The following KHDC1 variants were observed in gnomAD, a reference collection of about 807,000 sequenced individuals.
KHDC1 encodes KH domain containing 1.
KHDC1 carries 21 observed loss-of-function variants against 24.7 expected under a neutral mutation model. The observed-to-expected ratio is 0.85, with a 90% CI of 0.60 to 1.23. KHDC1 has a LOEUF of 1.23. KHDC1 is among the 50% of genes most tolerant of loss of function. KHDC1 has a pLI of 0.00. For missense variants in KHDC1, 274 were observed against 298.5 expected (o/e 0.92, Z 0.61); for synonymous variants, 98 against 111.7 (o/e 0.88, Z 0.77).
intron 1 of KHDC1, among the ~76,000 whole-genome samples, chr6:73,293,515 G>A (rs1034866100): frequency 5.9e-5 from 9 of 152,204 alleles, no homozygotes; most frequent in African/African-American, 2.2e-4. Context: ...TGCAGTAGCT[G>A]ACGCCCATGA....
intron 2 of KHDC1, among the ~76,000 whole-genome samples, chr6:73,251,158 T>C (rs1450242515): frequency 6.6e-6 from 1 of 152,148 alleles, no homozygotes; most frequent in Non-Finnish European, 1.5e-5. Context: ...AAAATGTATA[T>C]GCAATAGTTC....
intron 1 of KHDC1, chr6:73,292,280 A>G: frequency 8.0e-7 from 1 of 1,244,266 alleles, no homozygotes; most frequent in Non-Finnish European, 1.2e-6. Flanking sequence ...AATGCGGTCA[A>G]CCAGGGATGG....
At chr6:73,268,628 T>C (rs1400342370) in intron 2 of KHDC1, 1 of 152,316 alleles carries the variant, frequency 6.6e-6, no homozygotes, top group Non-Finnish European at 1.5e-5. Flanking sequence ...ATTAACCAGA[T>C]ACAGAGTGTG....
Position 73,254,931 on chromosome 6 carries a change from G to A in KHDC1, c.207-12401C>T, listed in dbSNP as rs1161362902. ...GCAGGAGAATGGCGTGGCCCCGGGAGGCAGAGTTTGCAGTGAGTGGAGATC... is the reference window on the plus strand; with the variant it reads ...GCAGGAGAATGGCGTGGCCCCGGGAAGCAGAGTTTGCAGTGAGTGGAGATC... On this transcript the variant is annotated intron_variant, in intron 2 of 4. Coordinates refer to ENST00000370384, the Ensembl canonical transcript of KHDC1. Among the ~76,000 whole-genome samples the A allele has an allele frequency of 3.3e-5, 5 of 151,946 alleles. No individual in the cohort carries two copies. The East Asian group carries it at 9.7e-4, about 29-fold the overall frequency.
intron 2 of KHDC1, among the ~76,000 whole-genome samples, chr6:73,245,734 A>G (rs1436288562): frequency 6.6e-6 from 1 of 152,190 alleles, no homozygotes; most frequent in South Asian, 2.1e-4. Flanking sequence ...TTTTAATAAC[A>G]GTCACGGGAA....
rs79256439 is a variant in KHDC1 at position 73,242,389 on chromosome 6, G to T, written c.331+17C>A. On this transcript the variant is annotated intron_variant, in intron 3 of 4. Coordinates refer to ENST00000370384, the Ensembl canonical transcript of KHDC1. ...AAGACAAGGATGAAGAAGGGGACGT[G>T]GGCAAAGGCCACTCACCGAAGATGA... 0.22 allele frequency: 352,322 copies of T among 1,611,400 alleles called. 46,436 individuals are homozygous for T. Among genetic ancestry groups the T allele is most frequent in the African/African-American group, 0.63 (47,280 of 74,704 alleles).
intron 2 of KHDC1, among the ~76,000 whole-genome samples, chr6:73,277,337 C>T (rs1030996030): frequency 9.3e-5 from 14 of 149,996 alleles, no homozygotes; most frequent in African/African-American, 1.5e-4. Context: ...TGTTGGCATG[C>T]GCCTATAATC....
intron 2 of KHDC1, among the ~76,000 whole-genome samples, chr6:73,250,427 CA>C (rs1410627407): frequency 6.6e-6 from 1 of 152,218 alleles, no homozygotes; most frequent in African/African-American, 2.4e-5. Flanking sequence ...TACCTTCTCA[CA>C]GTGTTTATAG....
At chr6:73,248,332 C>A (rs1358448114) in intron 2 of KHDC1, among the ~76,000 whole-genome samples, 2 of 151,994 alleles carry the variant, frequency 1.3e-5, no homozygotes, top group Non-Finnish European at 2.9e-5. Context: ...CCTCTGTCTT[C>A]TACTTTAATC....
Position 73,242,251 on chromosome 6 carries a change from A to G in KHDC1, c.332-14T>C. The stretch of plus-strand genomic sequence containing the variant: ...TGTCACCATGCCCTGTGAGCATAAG[A>G]GGTGAGAGGAGGTTCTGTCAAGCAC... On this transcript the variant is annotated splice_polypyrimidine_tract_variant and intron_variant, in intron 3 of 4. Transcript: ENST00000370384. The G allele has an allele frequency of 6.2e-7, 1 of 1,610,084 alleles. No homozygotes were observed.
chr6:73,248,358 C>T (rs1185422317), intron 2 of KHDC1, among the ~76,000 whole-genome samples: 1 of 151,430 alleles, frequency 6.6e-6, no homozygotes, highest in Admixed American at 6.6e-5. Context: ...TTCCACTTCT[C>T]TCTCTGTCTC....
intron 1 of KHDC1, among the ~76,000 whole-genome samples, chr6:73,296,376 C>G (rs1430715491): frequency 1.3e-5 from 2 of 151,578 alleles, no homozygotes; most frequent in Non-Finnish European, 2.9e-5. Context: ...TCACTTGAAC[C>G]CAGGAGGCAG....
rs746548203 is a variant in KHDC1, at chr6:73,242,477, C to T, written c.260G>A (p.Trp87Ter). The T allele has an allele frequency of 6.8e-6, 11 of 1,614,048 alleles. No individual in the cohort carries two copies. The highest frequency in any genetic ancestry group is 9.3e-6 in the Non-Finnish European group (11 of 1,180,024). ...TGCATGAAAGTTTTGAGGCAGGGTC[C>T]ACCACGGCTTCTTGCTGAGAGCACT... Residue 87 changes from tryptophan to a stop codon, truncating the protein, a stop_gained, in exon 3 of 5, where the codon TGG (tryptophan) becomes TAG (stop). Coordinates refer to ENST00000370384, the Ensembl canonical transcript of KHDC1. LOFTEE classifies it high-confidence loss of function.
At chr6:73,268,314 T>G (rs538916239) in intron 2 of KHDC1, 1 of 154,008 alleles carries the variant, frequency 6.5e-6, no homozygotes, top group South Asian at 2.1e-4. Context: ...GTGGTCTCGC[T>G]GGCTTCAGGA....
intron 2 of KHDC1, among the ~76,000 whole-genome samples, chr6:73,249,230 A>G (rs986538044): frequency 6.6e-6 from 1 of 152,106 alleles, no homozygotes; most frequent in African/African-American, 2.4e-5. Context: ...AAGGTGTGCT[A>G]TGATCATGCC....
intron 2 of KHDC1, chr6:73,263,055 GGCGGCGGCGGCGGCA>G (rs574127460): frequency 0.76 from 781,163 of 1,030,420 alleles, 301,462 homozygotes; most frequent in Non-Finnish European, 0.79. Context: ...CGGCGGCGGC[GGCGGCGGCGGCGGCA>G]GCGGCGGCAG....
chr6:73,272,742 C>G (rs1393726923), intron 2 of KHDC1, among the ~76,000 whole-genome samples: 1 of 151,140 alleles, frequency 6.6e-6, no homozygotes, highest in Non-Finnish European at 1.5e-5. Flanking sequence ...CACCACTGCA[C>G]TCCAGCCTGG....
At chr6:73,252,785 G>C (rs1219634831) in intron 2 of KHDC1, among the ~76,000 whole-genome samples, 14 of 151,404 alleles carry the variant, frequency 9.2e-5, no homozygotes, top group African/African-American at 3.4e-4. Flanking sequence ...CCACTGAACT[G>C]CTGCCTGGGC....
intron 2 of KHDC1, among the ~76,000 whole-genome samples, chr6:73,248,145 C>T (rs187608617): frequency 2.4e-4 from 36 of 152,256 alleles, no homozygotes; most frequent in East Asian, 1.7e-3. Context: ...GGTAAGGCAT[C>T]GAGACTGGCT....
Sources: gnomAD v4.1 joint callset for allele counts (sites outside exome capture counted in the v4.1 genomes callset) on GRCh38, gnomAD v4.1.1 for gene constraint, MANE v1.5 for transcripts, NCBI Gene and HGNC (gene_info 2026-07-23, HGNC 2026-07-21) for gene names.